Variants in XRN2 observed in about 807,000 individuals in gnomAD.
XRN2 encodes DHM1-like protein.
In XRN2, 44 loss-of-function variants were observed where a neutral mutation model predicts 138.5. The ratio of observed to expected loss-of-function variants is 0.32; its 90% confidence interval spans 0.25 to 0.41. XRN2 has a LOEUF of 0.41. Ranked by LOEUF, XRN2 falls within the 10% of genes least tolerant of loss-of-function variation. XRN2 has a pLI of 1.00. For missense variants in XRN2, 937 were observed against 1,169.3 expected (o/e 0.80, Z 2.90); for synonymous variants, 354 against 369.4 (o/e 0.96, Z 0.48).
rs1171159772 is a variant in XRN2, at chr20:21,344,109, A to G, written c.1430A>G (p.Asn477Ser). ...QNNSSPSISP[N>S]TSFTSDGSPS... The stretch of plus-strand genomic sequence containing the variant: ...CTGCAGAGTCCTTCGATATCTCCTA[A>G]TACGAGTTTCACATCTGATGGCTCC... Residue 477 changes from asparagine to serine, a missense_variant, in exon 16 of 30, where the codon AAT (asparagine) becomes AGT (serine). Physicochemically the swap from Asn to Ser is conservative, Grantham distance 46. Around this residue, in one of 6 missense-constraint regions of XRN2, gnomAD observed 471 missense variants for 581.2 expected, o/e 0.81. Transcript: ENST00000377191. 1 of 1,612,938 alleles carries G rather than the reference A, an allele frequency of 6.2e-7. No homozygotes were observed. The highest frequency in any genetic ancestry group is 8.5e-7 in the Non-Finnish European group (1 of 1,179,050).
At chr20:21,312,001 CA>C (rs1283591209) in intron 1 of XRN2, among the ~76,000 whole-genome samples, 1 of 151,858 alleles carries the variant, frequency 6.6e-6, no homozygotes, top group East Asian at 1.9e-4. Flanking sequence ...TCTCAAAAGA[CA>C]AAAAAAGATT....
chr20:21,357,064 A>T (rs1027360947), intron 23 of XRN2, among the ~76,000 whole-genome samples: 1 of 152,206 alleles, frequency 6.6e-6, no homozygotes, highest in South Asian at 2.1e-4. Context: ...TTTTGAAAGT[A>T]TACAACAATG....
chr20:21,378,124 A>T (rs552780347), intron 27 of XRN2, among the ~76,000 whole-genome samples: 1 of 152,300 alleles, frequency 6.6e-6, no homozygotes, highest in South Asian at 2.1e-4. Flanking sequence ...TTTAGCCAAG[A>T]TGTTTTCTTA....
At chr20:21,375,604 T>C (rs904234786) in intron 27 of XRN2, among the ~76,000 whole-genome samples, 3 of 151,760 alleles carry the variant, frequency 2.0e-5, no homozygotes, top group African/African-American at 7.2e-5. Flanking sequence ...TATAGGGCTT[T>C]TCCAATAATC....
intron 28 of XRN2, among the ~76,000 whole-genome samples, chr20:21,383,304 TC>T (rs1568600924): frequency 6.6e-6 from 1 of 152,202 alleles, no homozygotes; most frequent in Admixed American, 6.5e-5. Flanking sequence ...GGTAAATTTT[TC>T]CTAAATTATA....
chr20:21,331,810 G>T lies in XRN2; in HGVS notation c.692G>T (p.Gly231Val). 1 of 1,610,598 alleles carries T rather than the reference G, an allele frequency of 6.2e-7. No homozygotes were observed. The highest frequency in any genetic ancestry group is 8.5e-7 in the Non-Finnish European group (1 of 1,179,152). The change falls in exon 8 of 30, where the codon GGA becomes GTA. Residue 231 changes from glycine (G) to valine (V), a missense_variant. Coordinates refer to ENST00000377191, the MANE Select transcript of XRN2 (RefSeq NM_012255.5). ...CCAAATACTCATCATTGTTTATGTG[G>T]AGCAGATGGTAAGTTTCTTCTTTGG... ...HDPNTHHCLC[G>V]ADADLIMLGL...
At chr20:21,346,810 G>C (rs1244298173) in intron 17 of XRN2, among the ~76,000 whole-genome samples, 1 of 151,890 alleles carries the variant, frequency 6.6e-6, no homozygotes, top group Admixed American at 6.6e-5. Flanking sequence ...GTAGAGACGG[G>C]GTTTCACCAT....
intron 1 of XRN2, among the ~76,000 whole-genome samples, chr20:21,308,364 A>C (rs1382902714): frequency 6.6e-6 from 1 of 152,144 alleles, no homozygotes; most frequent in Non-Finnish European, 1.5e-5. Context: ...TTGGGGGAAA[A>C]ACATTAGGAG....
At chr20:21,303,655 C>G in intron 1 of XRN2, 182 bp downstream of exon 1, 2 of 1,337,498 alleles carry the variant, frequency 1.5e-6, no homozygotes, top group Non-Finnish European at 1.9e-6. Context: ...TTCAGCACCC[C>G]GGGGGCGAGG....
chr20:21,383,475 AT>A (rs1286082709), intron 28 of XRN2, among the ~76,000 whole-genome samples: 1 of 152,258 alleles, frequency 6.6e-6, no homozygotes, highest in South Asian at 2.1e-4. Context: ...TTATGTTTAC[AT>A]TTTTGCAAAT....
chr20:21,385,706 G>C (rs1300421652), intron 28 of XRN2, among the ~76,000 whole-genome samples: 1 of 152,186 alleles, frequency 6.6e-6, no homozygotes, highest in Non-Finnish European at 1.5e-5. Context: ...GGAGGAGAGT[G>C]GGGGTAGAGA....
At chr20:21,334,776 G>A (rs1295636706) in intron 13 of XRN2, among the ~76,000 whole-genome samples, 1 of 152,186 alleles carries the variant, frequency 6.6e-6, no homozygotes, top group African/African-American at 2.4e-5. Context: ...TACTAAGATA[G>A]CAAGCACTAG....
chr20:21,313,222 A>G (rs1359603034), intron 1 of XRN2, among the ~76,000 whole-genome samples: 1 of 152,168 alleles, frequency 6.6e-6, no homozygotes, highest in African/African-American at 2.4e-5. Flanking sequence ...CCTCAGGCCA[A>G]ATTTGGTGTA....
intron 29 of XRN2, among the ~76,000 whole-genome samples, chr20:21,388,371 T>C (rs747642988): frequency 2.0e-4 from 30 of 152,264 alleles, no homozygotes; most frequent in Non-Finnish European, 3.7e-4. Context: ...TATTATTCTT[T>C]TAGGACTTTT....
In XRN2 at chr20:21,370,437, C is replaced by CA. The variant is rs1164889908; in HGVS notation, c.2584+1855dup. Among the ~76,000 whole-genome samples, 27 of 150,904 alleles carry CA rather than the reference C, an allele frequency of 1.8e-4. 1 individual carries two copies. The South Asian group carries it at 5.0e-3, about 28-fold the overall frequency. ...AAATCTGTTTCTCAGTTAACACAGG[C>CA]AAAAAAAAGTATGAGGAAATGATTG... On this transcript the variant is annotated intron_variant, in intron 27 of 29. Coordinates refer to ENST00000377191, the MANE Select transcript of XRN2 (RefSeq NM_012255.5).
At chr20:21,343,871 A>G (rs2038402847) in intron 15 of XRN2, among the ~76,000 whole-genome samples, 1 of 151,350 alleles carries the variant, frequency 6.6e-6, no homozygotes, top group African/African-American at 2.4e-5. Context: ...AATTGTTTTT[A>G]GTTTAAGCAT....
At position 21,346,475 on chromosome 20, in the gene XRN2, T is replaced by A; in HGVS notation, c.1590T>A (p.Ala530=). 1.9e-6 allele frequency: 3 copies of A among 1,614,198 alleles called. No homozygotes were observed. The highest frequency in any genetic ancestry group is 2.5e-6 in the Non-Finnish European group (3 of 1,180,032). The part of the protein sequence containing the change: ...YYKNKFDVDA[A]DEKFRRKVVQ... Reference sequence around the variant, plus strand: ...AGAACAAATTTGATGTGGATGCAGCTGATGAGAAATTCCGTCGGAAAGTTG... The same window carrying A: ...AGAACAAATTTGATGTGGATGCAGCAGATGAGAAATTCCGTCGGAAAGTTG... The change falls in exon 17 of 30, where the codon GCT becomes GCA. Residue 530 remains alanine (A), a synonymous_variant. Coordinates refer to ENST00000377191, the MANE Select transcript of XRN2 (RefSeq NM_012255.5).
intron 4 of XRN2, among the ~76,000 whole-genome samples, chr20:21,329,136 C>T (rs1051981026): frequency 1.3e-5 from 2 of 152,160 alleles, no homozygotes; most frequent in African/African-American, 4.8e-5. Context: ...CATTTACAGG[C>T]TGTTGCCAAG....
intron 1 of XRN2, among the ~76,000 whole-genome samples, chr20:21,313,776 T>G (rs1370385023): frequency 6.6e-6 from 1 of 152,202 alleles, no homozygotes; most frequent in Non-Finnish European, 1.5e-5. Flanking sequence ...CTCTTCCATT[T>G]CATTGAGTAC....
Sources: allele counts gnomAD v4.1 joint callset (sites outside exome capture counted in the v4.1 genomes callset), GRCh38; gene constraint gnomAD v4.1.1; regional missense constraint gnomAD v4.1.1; transcripts MANE v1.5; gene names NCBI Gene and HGNC (gene_info 2026-07-23, HGNC 2026-07-21).